The following ADGRL3 variants were observed in gnomAD, a reference collection of about 807,000 sequenced individuals.
The protein encoded by ADGRL3 is adhesion G protein-coupled receptor L3.
In ADGRL3, 62 loss-of-function variants were observed where a neutral mutation model predicts 153.5. That is an observed-to-expected ratio of 0.40 (90% CI 0.33 to 0.50). The LOEUF (loss-of-function observed/expected upper bound fraction) is 0.50. Ranked by LOEUF, ADGRL3 falls within the 20% of genes least tolerant of loss-of-function variation. The pLI is 0.47. For missense variants in ADGRL3, 1,641 were observed against 1,859.4 expected (o/e 0.88, Z 2.16); for synonymous variants, 710 against 672.5 (o/e 1.06, Z -0.86).
intron 5 of ADGRL3, among the ~76,000 whole-genome samples, chr4:61,611,170 A>G (rs1316847296): frequency 1.3e-5 from 2 of 152,192 alleles, no homozygotes; most frequent in Non-Finnish European, 2.9e-5. Flanking sequence ...TGTGATTCCT[A>G]TCATCCCTAT....
At chr4:62,067,613 A>C (rs1743661536) in intron 25 of ADGRL3, among the ~76,000 whole-genome samples, 2 of 152,210 alleles carry the variant, frequency 1.3e-5, no homozygotes, top group Admixed American at 6.6e-5. Flanking sequence ...TATGTATAAT[A>C]GAGAAATAAC....
At chr4:61,422,119 G>T (rs180879336) in intron 2 of ADGRL3, among the ~76,000 whole-genome samples, 1 of 152,238 alleles carries the variant, frequency 6.6e-6, no homozygotes, top group African/African-American at 2.4e-5. Flanking sequence ...GTGAGAGACT[G>T]CTTTGCATTT....
intron 8 of ADGRL3, among the ~76,000 whole-genome samples, chr4:61,756,586 C>G (rs1416061037): frequency 6.6e-6 from 1 of 152,204 alleles, no homozygotes; most frequent in African/African-American, 2.4e-5. Flanking sequence ...TTCACTTCCT[C>G]TTTTCCTAAT....
chr4:61,521,015 A>C (rs2098527842), intron 4 of ADGRL3, among the ~76,000 whole-genome samples: 1 of 152,122 alleles, frequency 6.6e-6, no homozygotes, highest in Admixed American at 6.6e-5. Flanking sequence ...CCATTGGGTT[A>C]GGTAAATATC....
chr4:61,828,929 C>A (rs970848483), intron 9 of ADGRL3, among the ~76,000 whole-genome samples: 3 of 152,126 alleles, frequency 2.0e-5, no homozygotes, highest in Admixed American at 2.0e-4. Flanking sequence ...TCTCCTCTTC[C>A]CTTACCATTT....
At chr4:61,206,121 A>G (rs1223867620) in intron 1 of ADGRL3, among the ~76,000 whole-genome samples, 1 of 152,212 alleles carries the variant, frequency 6.6e-6, no homozygotes, top group East Asian at 1.9e-4. Flanking sequence ...AATAGGTTCT[A>G]TAGACCTTGA....
chr4:61,249,330 GA>G (rs987196831), intron 1 of ADGRL3, among the ~76,000 whole-genome samples: 4 of 152,106 alleles, frequency 2.6e-5, no homozygotes, highest in Non-Finnish European at 5.9e-5. Flanking sequence ...AGACAGTACA[GA>G]AATACATTTC....
At position 61,535,755 on chromosome 4, in the gene ADGRL3, TC is replaced by T. The variant is rs1314171963; in HGVS notation, c.259+18238del. 3.3e-5 allele frequency among the ~76,000 whole-genome samples: 5 copies of T among 152,216 alleles called. No homozygotes were observed. In the South Asian group the frequency reaches 1.0e-3, roughly 32 times the overall value. ...AGATTTTCATAATAGTCTTTGATAATCTTTTGTCTTTCTTTGGCATTGTGCT... is the reference window on the plus strand; with the variant it reads ...AGATTTTCATAATAGTCTTTGATAATTTTTGTCTTTCTTTGGCATTGTGCT... On this transcript the variant is annotated intron_variant, in intron 4 of 26. Transcript: ENST00000683033.
chr4:61,883,277 T>C (rs2098519163), intron 9 of ADGRL3, among the ~76,000 whole-genome samples: 1 of 152,202 alleles, frequency 6.6e-6, no homozygotes, highest in Non-Finnish European at 1.5e-5. Flanking sequence ...CTCCTACTAA[T>C]GTAAGCTCTA....
chr4:61,915,639 C>G (rs1477491906), intron 13 of ADGRL3, among the ~76,000 whole-genome samples: 2 of 152,056 alleles, frequency 1.3e-5, no homozygotes, highest in Non-Finnish European at 2.9e-5. Context: ...TCTTATAAGA[C>G]CAAATACAAA....
At chr4:61,835,360 AGGAGAAAAATGATTCAGCTGACTGAGAAG>A (rs2097919755) in intron 9 of ADGRL3, among the ~76,000 whole-genome samples, 1 of 129,344 alleles carries the variant, frequency 7.7e-6, no homozygotes. Flanking sequence ...AAAAAAAAAA[AGGAGAAAAATGATTCAGCTGACTGAGAAG>A]AAAAAAAAAA....
intron 4 of ADGRL3, among the ~76,000 whole-genome samples, chr4:61,521,536 A>G (rs568949785): frequency 1.3e-5 from 2 of 152,282 alleles, no homozygotes; most frequent in South Asian, 2.1e-4. Flanking sequence ...TTCAAGACCA[A>G]TGGAGTGTTC....
chr4:61,837,253 G>C (rs1441657340), intron 9 of ADGRL3, among the ~76,000 whole-genome samples: 2 of 152,066 alleles, frequency 1.3e-5, no homozygotes, highest in African/African-American at 4.8e-5. Context: ...CTTATTCTAA[G>C]AGGTCTACAA....
intron 6 of ADGRL3, among the ~76,000 whole-genome samples, chr4:61,727,281 C>T (rs1470481826): frequency 6.6e-6 from 1 of 152,016 alleles, no homozygotes; most frequent in Non-Finnish European, 1.5e-5. Context: ...ATTCTAACCA[C>T]AGGATATAGC....
At chr4:61,863,665 T>C (rs2149307746) in intron 9 of ADGRL3, among the ~76,000 whole-genome samples, 1 of 141,830 alleles carries the variant, frequency 7.1e-6, no homozygotes. Flanking sequence ...AACCATGATT[T>C]AATAGAAGGC....
intron 6 of ADGRL3, among the ~76,000 whole-genome samples, chr4:61,696,284 A>G (rs755151377): frequency 1.3e-5 from 2 of 152,172 alleles, no homozygotes; most frequent in African/African-American, 4.8e-5. Context: ...GTTATTGGGA[A>G]TATCTTGTTC....
rs1415714025 is a variant in ADGRL3, at chr4:61,456,425, A to G, written c.-173-40696A>G. Among the ~76,000 whole-genome samples the G allele has an allele frequency of 1.0e-4, 6 of 59,308 alleles. 1 individual carries two copies. Among genetic ancestry groups the G allele is most frequent in the African/African-American group, 2.7e-4 (6 of 21,972 alleles). The allele number at this position is 59,308 out of a possible 152,430, so 38.9% of individuals were successfully genotyped here. ...TATCTATATATATATAGATATATCT[A>G]TATCTATATATATAGATATATCTAT... On this transcript the variant is annotated intron_variant, in intron 2 of 26. Coordinates refer to ENST00000683033, the MANE Select transcript of ADGRL3 (RefSeq NM_001387552.1).
intron 6 of ADGRL3, among the ~76,000 whole-genome samples, chr4:61,715,100 A>G (rs1346916716): frequency 2.6e-5 from 4 of 152,206 alleles, no homozygotes; most frequent in Non-Finnish European, 4.4e-5. Context: ...AACATTTAAC[A>G]TATTATCTAC....
At chr4:61,682,772 C>G (rs79466975) in intron 6 of ADGRL3, among the ~76,000 whole-genome samples, 1 of 152,040 alleles carries the variant, frequency 6.6e-6, no homozygotes, top group African/African-American at 2.4e-5. Context: ...TTCACATGTG[C>G]ATGGAAGTTA....
Sources: gnomAD v4.1 joint callset for allele counts (sites outside exome capture counted in the v4.1 genomes callset) on GRCh38, gnomAD v4.1.1 for gene constraint, MANE v1.5 for transcripts, NCBI Gene and HGNC (gene_info 2026-07-23, HGNC 2026-07-21) for gene names.